PRKCE: variants seen among roughly 807,000 people sequenced by gnomAD.
PRKCE encodes the protein protein kinase C epsilon type.
PRKCE carries 16 observed loss-of-function variants against 85.4 expected under a neutral mutation model. The observed-to-expected ratio is 0.19, with a 90% confidence interval of 0.13 to 0.28. The LOEUF is 0.28. Ranked by LOEUF, PRKCE falls within the 10% of genes least tolerant of loss-of-function variation. The pLI is 1.00. For missense variants in PRKCE, 573 were observed against 975.2 expected (o/e 0.59, Z 5.49); for synonymous variants, 388 against 371.5 (o/e 1.04, Z -0.51).
In PRKCE at chr2:46,004,923, G is replaced by A. The variant is rs960713740; in HGVS notation, c.1063+285G>A. Reference sequence around the variant, plus strand: ...TGGTTATCTGTTTTCCCTTGCCTCTGTCCCTGGTTCCAAGTGTACTGCAGA... The same window carrying A: ...TGGTTATCTGTTTTCCCTTGCCTCTATCCCTGGTTCCAAGTGTACTGCAGA... On this transcript the variant is annotated intron_variant, in intron 8 of 14. Coordinates refer to ENST00000306156, the MANE Select transcript of PRKCE (RefSeq NM_005400.3). The surrounding 1 kb of genome is among the most constrained non-coding windows in gnomAD (Gnocchi z 4.1). Among the ~76,000 whole-genome samples, 38 of 152,160 alleles carry A rather than the reference G, an allele frequency of 2.5e-4. No homozygotes were observed. The highest frequency in any genetic ancestry group is 4.4e-5 in the Non-Finnish European group (3 of 68,022).
In PRKCE at chr2:45,877,426, T is replaced by A. The variant is rs369503965; in HGVS notation, c.412+34363T>A. Among the ~76,000 whole-genome samples the A allele has an allele frequency of 7.2e-5, 11 of 152,280 alleles. No homozygotes were observed. In the East Asian group the frequency reaches 2.1e-3, roughly 29 times the overall value. ...TACTCCATCCTCTTACTCTTTCTTCTACGTTTTCTATCTTCTCCTGTATTT... is the reference window on the plus strand; with the variant it reads ...TACTCCATCCTCTTACTCTTTCTTCAACGTTTTCTATCTTCTCCTGTATTT... On this transcript the variant is annotated intron_variant, in intron 2 of 14. Coordinates refer to ENST00000306156, the MANE Select transcript of PRKCE (RefSeq NM_005400.3).
At chr2:45,726,040 G>A (rs1394876305) in intron 1 of PRKCE, among the ~76,000 whole-genome samples, 1 of 152,198 alleles carries the variant, frequency 6.6e-6, no homozygotes, top group African/African-American at 2.4e-5. Context: ...GGAGCCTGGC[G>A]ATGTGACTGG....
chr2:45,651,737 C>T lies in PRKCE; in HGVS notation c.-364C>T, dbSNP rs930409830. The stretch of plus-strand genomic sequence containing the variant: ...GCGCCGGGCGCGGCGCCCGCTTTCC[C>T]GCAGTCCGGAGCCGGAGAGCCAGCG... On this transcript the variant is annotated 5_prime_UTR_variant, in exon 1 of 15. Coordinates refer to ENST00000306156, the MANE Select transcript of PRKCE (RefSeq NM_005400.3). 2.8e-5 allele frequency: 5 copies of T among 181,332 alleles called. No homozygotes were observed. The highest frequency in any genetic ancestry group is 6.0e-5 in the Admixed American group (1 of 16,658). The allele number at this position is 181,332 out of a possible 1,614,324, so 11.2% of individuals were successfully genotyped here. A position where few individuals can be genotyped will look rare whatever the true frequency, so the allele number is the denominator to read the frequency against.
At chr2:45,930,548 TG>T (rs892126212) in intron 2 of PRKCE, among the ~76,000 whole-genome samples, 1 of 152,204 alleles carries the variant, frequency 6.6e-6, no homozygotes, top group African/African-American at 2.4e-5. Context: ...AGGAGGGCTG[TG>T]GGTGTCCACC....
chr2:46,089,214 C>T (rs1558441682), intron 11 of PRKCE, among the ~76,000 whole-genome samples: 1 of 152,158 alleles, frequency 6.6e-6, no homozygotes, highest in Non-Finnish European at 1.5e-5. Context: ...ACATACTGGG[C>T]AATTTCAACC....
chr2:46,089,642 G>C (rs1669972920), intron 11 of PRKCE, among the ~76,000 whole-genome samples: 1 of 152,240 alleles, frequency 6.6e-6, no homozygotes, highest in South Asian at 2.1e-4. Flanking sequence ...GGGCCCAGCA[G>C]AAGTGAGGGG....
chr2:45,656,611 G>A (rs926180821), intron 1 of PRKCE, among the ~76,000 whole-genome samples: 4 of 152,304 alleles, frequency 2.6e-5, no homozygotes, highest in African/African-American at 9.6e-5. Context: ...GAATCAGTAA[G>A]GGAGGGCATA....
intron 2 of PRKCE, among the ~76,000 whole-genome samples, chr2:45,958,818 T>TATATATA (rs1558885886): frequency 2.1e-3 from 16 of 7,566 alleles, no homozygotes; most frequent in Admixed American, 8.1e-3. Flanking sequence ...ATATATATAT[T>TATATATA]TTTTTTTTTT....
chr2:45,744,486 TTTTTCTTTCTTTCTTTTC>T (rs1682932518), intron 1 of PRKCE, among the ~76,000 whole-genome samples: 19 of 37,132 alleles, frequency 5.1e-4, no homozygotes, highest in East Asian at 8.8e-4. Flanking sequence ...TCTTTCTTTC[TTTTTCTTTCTTTCTTTTC>T]TTTCTTTCTT....
At chr2:45,857,427 C>T (rs72801055) in intron 2 of PRKCE, among the ~76,000 whole-genome samples, 106 of 152,350 alleles carry the variant, frequency 7.0e-4, no homozygotes, top group Non-Finnish European at 1.1e-3. Context: ...GCCTGTCAAC[C>T]TGCTTAAGTT....
intron 2 of PRKCE, among the ~76,000 whole-genome samples, chr2:45,872,853 G>A (rs1694198223): frequency 6.6e-6 from 1 of 152,176 alleles, no homozygotes; most frequent in Non-Finnish European, 1.5e-5. Flanking sequence ...GGGCATGGAG[G>A]GGCAGCGGCA....
intron 2 of PRKCE, among the ~76,000 whole-genome samples, chr2:45,971,706 C>G (rs1367635221): frequency 1.3e-5 from 2 of 152,150 alleles, no homozygotes; most frequent in Non-Finnish European, 2.9e-5. Context: ...CAAAGAAGCA[C>G]AAGGAGAAAA....
intron 1 of PRKCE, among the ~76,000 whole-genome samples, chr2:45,731,309 T>C (rs539555314): frequency 3.3e-5 from 5 of 152,346 alleles, no homozygotes; most frequent in Non-Finnish European, 7.3e-5. Context: ...GCTCCATTCC[T>C]TGTGGTTTTC....
chr2:45,843,088 C>A, intron 2 of PRKCE, 25 bp downstream of exon 2: 1 of 1,607,952 alleles, frequency 6.2e-7, no homozygotes, highest in Non-Finnish European at 8.5e-7. Context: ...CTTCTCATCC[C>A]TGTTTTCTTC....
intron 14 of PRKCE, among the ~76,000 whole-genome samples, chr2:46,164,277 G>T (rs3768736): frequency 6.6e-6 from 1 of 152,022 alleles, no homozygotes; most frequent in South Asian, 2.1e-4. Flanking sequence ...AGAAGGGAAA[G>T]GATCAAGTCT....
At chr2:45,930,382 C>T (rs1012588964) in intron 2 of PRKCE, among the ~76,000 whole-genome samples, 3 of 152,142 alleles carry the variant, frequency 2.0e-5, no homozygotes, top group Non-Finnish European at 1.5e-5. Flanking sequence ...ATATGATTAG[C>T]TAGTGGCAGA....
chr2:45,813,000 C>T (rs1226344291), intron 1 of PRKCE, among the ~76,000 whole-genome samples: 13 of 152,176 alleles, frequency 8.5e-5, no homozygotes, highest in African/African-American at 1.9e-4. Flanking sequence ...ACAAAAGACA[C>T]GAATTGGAAG....
At chr2:46,005,032 C>T (rs1705054196) in intron 8 of PRKCE, among the ~76,000 whole-genome samples, 1 of 152,152 alleles carries the variant, frequency 6.6e-6, no homozygotes, top group Admixed American at 6.5e-5. Context: ...GTTTGACACT[C>T]CCTCCCCCAT....
At chr2:45,744,481 CT>C (rs1558623753) in intron 1 of PRKCE, among the ~76,000 whole-genome samples, 1 of 43,042 alleles carries the variant, frequency 2.3e-5, no homozygotes, top group African/African-American at 9.1e-5. Context: ...TTCTTTCTTT[CT>C]TTCTTTTTCT....
Sources: allele counts gnomAD v4.1 joint callset (sites outside exome capture counted in the v4.1 genomes callset), GRCh38; gene constraint gnomAD v4.1.1; non-coding constraint Gnocchi (gnomAD v3.1); transcripts MANE v1.5; gene names NCBI Gene and HGNC (gene_info 2026-07-23, HGNC 2026-07-21).